Variants in SEPTIN10 observed in about 807,000 individuals in gnomAD.
SEPTIN10 encodes the protein septin-10.
SEPTIN10 carries 66 observed loss-of-function variants against 54.8 expected under a neutral mutation model. The observed-to-expected ratio is 1.21, with a 90% CI of 0.99 to 1.48. The LOEUF (loss-of-function observed/expected upper bound fraction) is 1.48, where lower values mean the gene tolerates loss of function less well. Ranked by LOEUF, SEPTIN10 falls within the 40% of genes most tolerant of loss-of-function variation. The pLI is 0.00. For missense variants in SEPTIN10, 620 were observed against 545.6 expected (o/e 1.14, Z -1.36); for synonymous variants, 161 against 181.0 (o/e 0.89, Z 0.89).
intron 5 of SEPTIN10, among the ~76,000 whole-genome samples, chr2:109,571,310 C>T (rs894234191): frequency 1.3e-5 from 2 of 152,098 alleles, no homozygotes; most frequent in African/African-American, 2.4e-5. Flanking sequence ...GATAGAAATG[C>T]GATAGAAATA....
At chr2:109,566,491 CAT>C (rs1018738820) in intron 6 of SEPTIN10, among the ~76,000 whole-genome samples, 3 of 152,166 alleles carry the variant, frequency 2.0e-5, no homozygotes, top group African/African-American at 7.2e-5. Flanking sequence ...GGAAATTACA[CAT>C]ACACACACCC....
At chr2:109,606,144 C>T (rs1697886106) in intron 1 of SEPTIN10, among the ~76,000 whole-genome samples, 1 of 152,178 alleles carries the variant, frequency 6.6e-6, no homozygotes, top group Admixed American at 6.5e-5. Context: ...AGGCCGGGTG[C>T]CGTGGCTCAT....
intron 1 of SEPTIN10, among the ~76,000 whole-genome samples, chr2:109,596,919 G>A (rs564400718): frequency 6.6e-6 from 1 of 152,116 alleles, no homozygotes; most frequent in Non-Finnish European, 1.5e-5. Flanking sequence ...TACTGGAAAA[G>A]ATTTTCTTAA....
At position 109,544,210 on chromosome 2, in the gene SEPTIN10, G is replaced by T; in HGVS notation, c.*99C>A. ...CTGTGGCTGTTCACCAAATATAGAA[G>T]TGATAAAACAAATAACAGCAAAATC... is the stretch of plus-strand genomic sequence containing the variant. On this transcript the variant is annotated 3_prime_UTR_variant, in exon 11 of 11. Coordinates refer to ENST00000397712, the MANE Select transcript of SEPTIN10 (RefSeq NM_144710.5). 1 of 1,608,220 alleles carries T rather than the reference G, an allele frequency of 6.2e-7. No individual in the cohort carries two copies.
intron 1 of SEPTIN10, chr2:109,594,649 T>C (rs546801743): frequency 2.6e-5 from 4 of 152,242 alleles, no homozygotes; most frequent in East Asian, 1.9e-4. Flanking sequence ...ACAAACGGCA[T>C]TGCAATGAAA....
At chr2:109,561,124 T>A (rs1685553790) in intron 8 of SEPTIN10, among the ~76,000 whole-genome samples, 1 of 152,182 alleles carries the variant, frequency 6.6e-6, no homozygotes, top group South Asian at 2.1e-4. Context: ...GCTGCCTGCC[T>A]GTTCTCTTCT....
At chr2:109,595,564 G>T (rs748960539) in intron 1 of SEPTIN10, among the ~76,000 whole-genome samples, 1 of 152,134 alleles carries the variant, frequency 6.6e-6, no homozygotes, top group African/African-American at 2.4e-5. Context: ...AGAAATTAGA[G>T]ATCACTGAAG....
At chr2:109,570,068 T>C (rs1389575373) in intron 5 of SEPTIN10, among the ~76,000 whole-genome samples, 4 of 152,020 alleles carry the variant, frequency 2.6e-5, no homozygotes, top group African/African-American at 9.7e-5. Flanking sequence ...ATGGGCCAAA[T>C]CAAGTAATTT....
At chr2:109,597,841 T>C (rs1338181026) in intron 1 of SEPTIN10, among the ~76,000 whole-genome samples, 2 of 152,216 alleles carry the variant, frequency 1.3e-5, no homozygotes, top group African/African-American at 4.8e-5. Flanking sequence ...ATACAGGCAA[T>C]GTGACAGACA....
At chr2:109,611,388 GAT>G (rs1250216058) in intron 1 of SEPTIN10, among the ~76,000 whole-genome samples, 5 of 150,094 alleles carry the variant, frequency 3.3e-5, no homozygotes, top group African/African-American at 4.9e-5. Flanking sequence ...AAGATGAAAA[GAT>G]AAACTACAGA....
intron 2 of SEPTIN10, among the ~76,000 whole-genome samples, chr2:109,592,203 G>A (rs1230062944): frequency 1.3e-5 from 2 of 151,920 alleles, no homozygotes; most frequent in South Asian, 2.1e-4. Flanking sequence ...GGTGGCTCAC[G>A]CCTGTAATCC....
chr2:109,544,162 T>C lies in SEPTIN10; in HGVS notation c.*147A>G, dbSNP rs1421724911. On this transcript the variant is annotated 3_prime_UTR_variant, in exon 11 of 11. Coordinates refer to ENST00000397712, the MANE Select transcript of SEPTIN10 (RefSeq NM_144710.5). Reference sequence around the variant, plus strand: ...TATGTATTGACCTTGTACTTGAAAGTACTTTTCCATAAATATCAGTAACTG... The same window carrying C: ...TATGTATTGACCTTGTACTTGAAAGCACTTTTCCATAAATATCAGTAACTG... 5.1e-6 allele frequency: 8 copies of C among 1,567,854 alleles called. No individual in the cohort carries two copies. The highest frequency in any genetic ancestry group is 2.7e-5 in the African/African-American group (2 of 74,148).
At chr2:109,572,402 G>A (rs1416852975) in intron 5 of SEPTIN10, among the ~76,000 whole-genome samples, 2 of 152,014 alleles carry the variant, frequency 1.3e-5, no homozygotes, top group African/African-American at 2.4e-5. Context: ...CAAACCGCTG[G>A]GGTTACAGGC....
intron 7 of SEPTIN10, 117 bp from the exon 8 acceptor site, chr2:109,564,651 T>C (rs1416568424): frequency 1.1e-6 from 1 of 876,856 alleles, no homozygotes; most frequent in African/African-American, 1.7e-5. Context: ...TAGCAAATGA[T>C]CAGTTTGATT....
rs1689273013 is a variant in SEPTIN10, at chr2:109,574,762, T to C, written c.419A>G (p.Gln140Arg). Residue 140 changes from glutamine (Q) to arginine (R), a missense_variant, in exon 5 of 11, where the codon CAA becomes CGA. Coordinates refer to ENST00000397712, the MANE Select transcript of SEPTIN10 (RefSeq NM_144710.5). ...AGCATCTATGTAGTCAACTATTGGT[T>C]GGTAGCTGAAAAATTATTTAAATGT... ...GDQINKEESY[Q>R]PIVDYIDAQF... 3 of 1,570,634 alleles carry C rather than the reference T, an allele frequency of 1.9e-6. No homozygotes were observed. Among genetic ancestry groups the C allele is most frequent in the Non-Finnish European group, 2.6e-6 (3 of 1,161,678 alleles).
intron 8 of SEPTIN10, among the ~76,000 whole-genome samples, chr2:109,558,593 G>A (rs1375808491): frequency 6.6e-6 from 1 of 152,162 alleles, no homozygotes; most frequent in Admixed American, 6.5e-5. Flanking sequence ...ATTAAACTAT[G>A]ACTATAGTGC....
At chr2:109,610,799 A>G (rs1174820878) in intron 1 of SEPTIN10, among the ~76,000 whole-genome samples, 1 of 152,230 alleles carries the variant, frequency 6.6e-6, no homozygotes, top group Non-Finnish European at 1.5e-5. Context: ...TTCTCCCTAA[A>G]TCGATATAAA....
chr2:109,575,032 T>C (rs1689352813), intron 4 of SEPTIN10, among the ~76,000 whole-genome samples: 1 of 152,226 alleles, frequency 6.6e-6, no homozygotes, highest in Non-Finnish European at 1.5e-5. Context: ...CATATCCCAA[T>C]AAACCTATCA....
intron 5 of SEPTIN10, among the ~76,000 whole-genome samples, chr2:109,573,693 A>G (rs568160694): frequency 2.0e-4 from 30 of 152,368 alleles, no homozygotes; most frequent in Admixed American, 3.3e-4. Flanking sequence ...TTCATTTCGC[A>G]TACCATTTGA....
Sources: gnomAD v4.1 joint callset for allele counts (sites outside exome capture counted in the v4.1 genomes callset) on GRCh38, gnomAD v4.1.1 for gene constraint, MANE v1.5 for transcripts, NCBI Gene and HGNC (gene_info 2026-07-23, HGNC 2026-07-21) for gene names.